The following LILRB4 variants were observed in gnomAD, a reference collection of about 807,000 sequenced individuals.
The protein encoded by LILRB4 is leukocyte immunoglobulin-like receptor subfamily B member 4.
LILRB4 carries 49 observed loss-of-function variants against 55.2 expected under a neutral mutation model. The observed-to-expected ratio is 0.89, with a 90% CI of 0.71 to 1.13. The LOEUF (loss-of-function observed/expected upper bound fraction) is 1.13, where lower values mean the gene tolerates loss of function less well. LILRB4 is among the 50% of genes most tolerant of loss of function. LILRB4 has a pLI of 0.00. For synonymous variants in LILRB4, 229 were observed against 213.8 expected, an observed-to-expected ratio of 1.07 and a Z score of -0.62; for missense variants, 590 against 555.2, an observed-to-expected ratio of 1.06 and a Z score of -0.63.
intron 1 of LILRB4, 119 bp downstream of exon 1, chr19:54,663,186 C>T (rs1192182461): frequency 9.4e-6 from 11 of 1,170,328 alleles, no homozygotes; most frequent in Non-Finnish European, 1.3e-5. Context: ...GTGGCTCACG[C>T]CTGTAATCCC....
rs1294047890 is a variant in LILRB4 at position 54,663,085 on chromosome 19, G to A, written c.34+18G>A. 2.5e-6 allele frequency: 4 copies of A among 1,606,190 alleles called. No homozygotes were observed. Among genetic ancestry groups the A allele is most frequent in the Non-Finnish European group, 3.4e-6 (4 of 1,175,316 alleles). ...CTGCCTCGGTGAGATTTAAAGAGGG[G>A]GAGGGGAGACCCGAGTCTTGGAGGA... On this transcript the variant is annotated intron_variant, in intron 1 of 11. Transcript: ENST00000430952.
rs746741455 is a variant in LILRB4, at chr19:54,663,074, T to C, written c.34+7T>C. On this transcript the variant is annotated splice_region_variant and intron_variant, in intron 1 of 11. Coordinates refer to ENST00000430952, the Ensembl canonical transcript of LILRB4. ...ACGGCTCTGCTCTGCCTCGGTGAGA[T>C]TTAAAGAGGGGGAGGGGAGACCCGA... The C allele has an allele frequency of 5.0e-6, 8 of 1,611,396 alleles. No individual in the cohort carries two copies. In the Admixed American group the frequency reaches 1.3e-4, roughly 27 times the overall value.
Position 54,665,069 on chromosome 19 carries a change from G to A in LILRB4, c.707-61G>A, listed in dbSNP as rs770224619. 3 of 1,593,350 alleles carry A rather than the reference G, an allele frequency of 1.9e-6. No individual in the cohort carries two copies. The highest frequency in any genetic ancestry group is 2.7e-5 in the African/African-American group (2 of 74,510). ...AAGGCTGAAGGAGATGTTGCGGGGA[G>A]AAGCCGAGCTGATGTGGGGAGCAGG... is the stretch of plus-strand genomic sequence containing the variant. On this transcript the variant is annotated intron_variant, in intron 5 of 11. Coordinates refer to ENST00000430952, the Ensembl canonical transcript of LILRB4. This position sits in a 1 kb window ranked among gnomAD's most constrained non-coding sequence, Gnocchi z 5.5.
At position 54,666,626 on chromosome 19, in the gene LILRB4, C is replaced by T; in HGVS notation, c.989-71C>T. On this transcript the variant is annotated intron_variant, in intron 9 of 11. Coordinates refer to ENST00000430952, the Ensembl canonical transcript of LILRB4. This position sits in a 1 kb window ranked among gnomAD's most constrained non-coding sequence, Gnocchi z 4.8. ...TGCAGTGGCACTAATGGGAACAGGG[C>T]AGGGACCAGCAGGAATGAGAGGTCC... The T allele has an allele frequency of 6.5e-7, 1 of 1,535,548 alleles. No individual in the cohort carries two copies. The highest frequency in any genetic ancestry group is 9.0e-7 in the Non-Finnish European group (1 of 1,115,082).
chr19:54,667,041 CT>C (rs1225168879), intron 10 of LILRB4: 1 of 661,120 alleles, frequency 1.5e-6, no homozygotes, highest in Non-Finnish European at 2.8e-6. Flanking sequence ...CTCCAGTCCC[CT>C]GGGCTCCCCT....
chr19:54,666,578 G>A lies in LILRB4; in HGVS notation c.989-119G>A. 2 of 1,421,794 alleles carry A rather than the reference G, an allele frequency of 1.4e-6. No individual in the cohort carries two copies. The highest frequency in any genetic ancestry group is 2.0e-6 in the Non-Finnish European group (2 of 1,019,322). 88.1% of individuals were successfully genotyped at this position (1,421,794 alleles called of 1,614,324 possible). ...TGAACCCACATTGTGGGACCTCGGGGACATCACAGCCCCTCCCTGCGTTGC... is the reference window on the plus strand; with the variant it reads ...TGAACCCACATTGTGGGACCTCGGGAACATCACAGCCCCTCCCTGCGTTGC... On this transcript the variant is annotated intron_variant, in intron 9 of 11. Coordinates refer to ENST00000430952, the Ensembl canonical transcript of LILRB4. This position sits in a 1 kb window ranked among gnomAD's most constrained non-coding sequence, Gnocchi z 4.8.
exon 3 of LILRB4, chr19:54,663,989 C>T: frequency 6.2e-7 from 1 of 1,614,112 alleles, no homozygotes; most frequent in Non-Finnish European, 8.5e-7. Flanking sequence ...ACTATCGCAG[C>T]CCTGTAGGCT....
rs140679892 is a variant in LILRB4, at chr19:54,664,185, G to A, written c.356-1G>A. ...TAACACGGTGCCTCCTTCTCTCCTAGGAGCCTACAGTAAACCCACCCTTTC... is the reference window on the plus strand; with the variant it reads ...TAACACGGTGCCTCCTTCTCTCCTAAGAGCCTACAGTAAACCCACCCTTTC... On this transcript the variant is annotated splice_acceptor_variant, in intron 3 of 11. Transcript: ENST00000430952. LOFTEE classifies it high-confidence loss of function. 5.3e-4 allele frequency: 860 copies of A among 1,611,316 alleles called. No homozygotes were observed. Among genetic ancestry groups the A allele is most frequent in the Non-Finnish European group, 6.6e-4 (775 of 1,178,434 alleles).
In LILRB4 at chr19:54,665,961, T is replaced by TCAGCCCCCCAAGTAGCTGG; in HGVS notation, c.874+30_874+31insCAGCCCCCCAAGTAGCTGG. 1 of 1,613,386 alleles carries TCAGCCCCCCAAGTAGCTGG rather than the reference T, an allele frequency of 6.2e-7. No individual in the cohort carries two copies. The highest frequency in any genetic ancestry group is 8.5e-7 in the Non-Finnish European group (1 of 1,179,688). On this transcript the variant is annotated intron_variant, in intron 7 of 11. Coordinates refer to ENST00000430952, the Ensembl canonical transcript of LILRB4. This position sits in a 1 kb window ranked among gnomAD's most constrained non-coding sequence, Gnocchi z 5.5. ...GTAGGAAATTGGGGGACCCGTGGGC[T>TCAGCCCCCCAAGTAGCTGG]GATGGAGGGTGGGCTCAGGGCACCA... is the stretch of plus-strand genomic sequence containing the variant.
Position 54,666,667 on chromosome 19 carries a change from G to A in LILRB4, c.989-30G>A, listed in dbSNP as rs200277531. On this transcript the variant is annotated intron_variant, in intron 9 of 11. Coordinates refer to ENST00000430952, the Ensembl canonical transcript of LILRB4. This position sits in a 1 kb window ranked among gnomAD's most constrained non-coding sequence, Gnocchi z 4.8. Reference sequence around the variant, plus strand: ...TGAGAGGTCCCAGGGAACCTTCCCAGGAGATGAACCCCTTGCTCTACCCCA... The same window carrying A: ...TGAGAGGTCCCAGGGAACCTTCCCAAGAGATGAACCCCTTGCTCTACCCCA... 5.0e-6 allele frequency: 8 copies of A among 1,611,762 alleles called. No homozygotes were observed. The highest frequency in any genetic ancestry group is 3.3e-5 in the Admixed American group (2 of 59,968).
Position 54,666,446 on chromosome 19 carries a change from A to G in LILRB4, c.988+10A>G, listed in dbSNP as rs773979844. 3 of 1,614,076 alleles carry G rather than the reference A, an allele frequency of 1.9e-6. No homozygotes were observed. Among genetic ancestry groups the G allele is most frequent in the Admixed American group, 3.3e-5 (2 of 60,004 alleles). ...CAGGGAGAAAACTTCTGTGAGTGAG[A>G]GGCAGAGAAGGTGCACCTGGGGTGG... On this transcript the variant is annotated intron_variant, in intron 9 of 11. Transcript: ENST00000430952. The surrounding 1 kb of genome is among the most constrained non-coding windows in gnomAD (Gnocchi z 4.8).
intron 2 of LILRB4, 30 bp from the exon 3 acceptor site, chr19:54,663,724 C>G: frequency 6.2e-7 from 1 of 1,612,458 alleles, no homozygotes; most frequent in Non-Finnish European, 8.5e-7. Context: ...TGAGGAAGGT[C>G]TTGGGATCCA....
chr19:54,664,064 C>T (rs754124445), intron 3 of LILRB4, 26 bp downstream of exon 3: 1 of 1,610,150 alleles, frequency 6.2e-7, no homozygotes. Context: ...GGGGTCCCAG[C>T]CCCAGGCTCT....
chr19:54,668,502 C>G (rs2065394613), downstream of LILRB4: 1 of 157,652 alleles, frequency 6.3e-6, no homozygotes, highest in Admixed American at 6.2e-5. Context: ...CACTACAGAC[C>G]CTACACACAG....
Position 54,665,950 on chromosome 19 carries a change from G to A in LILRB4, c.874+19G>A. 6.2e-7 allele frequency: 1 copy of A among 1,613,794 alleles called. No individual in the cohort carries two copies. The highest frequency in any genetic ancestry group is 8.5e-7 in the Non-Finnish European group (1 of 1,179,910). ...ACATTGGGTAAGTAGGAAATTGGGG[G>A]ACCCGTGGGCTGATGGAGGGTGGGC... On this transcript the variant is annotated intron_variant, in intron 7 of 11. Transcript: ENST00000430952. This position sits in a 1 kb window ranked among gnomAD's most constrained non-coding sequence, Gnocchi z 5.5.
chr19:54,666,431 ACTT>A lies in LILRB4; in HGVS notation c.986_988del (p.Phe329del). On this transcript the variant is annotated inframe_deletion and splice_region_variant, in exon 9 of 12. Transcript: ENST00000430952. The surrounding 1 kb of genome is among the most constrained non-coding windows in gnomAD (Gnocchi z 4.8). ...CCAGCTGCTGACGTCCAGGGAGAAA[ACTT>A]CTGTGAGTGAGAGGCAGAGAAGGTG... 2 of 1,614,102 alleles carry A rather than the reference ACTT, an allele frequency of 1.2e-6. No individual in the cohort carries two copies. The highest frequency in any genetic ancestry group is 1.7e-6 in the Non-Finnish European group (2 of 1,179,974).
In LILRB4 at chr19:54,667,658, C is replaced by G. The variant is rs755663839; in HGVS notation, c.1062C>G (p.Pro354=). The change falls in exon 11 of 12, where the codon CCC becomes CCG. Residue 354 remains proline (P), a synonymous_variant. Transcript: ENST00000430952. Reference sequence around the variant, plus strand: ...AGCAGAGCCCACACGATGAAGACCCCCAGGCAGTGACGTATGCCAAGGTGA... The same window carrying G: ...AGCAGAGCCCACACGATGAAGACCCGCAGGCAGTGACGTATGCCAAGGTGA... The G allele has an allele frequency of 1.4e-3, 2,186 of 1,609,036 alleles. 2 individuals are homozygous for G. Among genetic ancestry groups the G allele is most frequent in the Non-Finnish European group, 1.6e-3 (1,912 of 1,177,416 alleles).
At position 54,665,313 on chromosome 19, in the gene LILRB4, A is replaced by G; in HGVS notation, c.757+133A>G. The G allele has an allele frequency of 1.5e-6, 2 of 1,306,532 alleles. No homozygotes were observed. Among genetic ancestry groups the G allele is most frequent in the Non-Finnish European group, 2.1e-6 (2 of 965,318 alleles). The allele number at this position is 1,306,532 out of a possible 1,614,324, so 80.9% of individuals were successfully genotyped here. A position where few individuals can be genotyped will look rare whatever the true frequency, so the allele number is the denominator to read the frequency against. On this transcript the variant is annotated intron_variant, in intron 6 of 11. Coordinates refer to ENST00000430952, the Ensembl canonical transcript of LILRB4. This position sits in a 1 kb window ranked among gnomAD's most constrained non-coding sequence, Gnocchi z 5.5. The stretch of plus-strand genomic sequence containing the variant: ...CCCCTGCATGGGCCTCAGTTTCTCC[A>G]AGTGTAAAGGAGAGAGGCCTGCGGG...
At position 54,666,387 on chromosome 19, in the gene LILRB4, A is replaced by G. The variant is rs755962642; in HGVS notation, c.951-12A>G. On this transcript the variant is annotated splice_polypyrimidine_tract_variant and intron_variant, in intron 8 of 11. Coordinates refer to ENST00000430952, the Ensembl canonical transcript of LILRB4. The surrounding 1 kb of genome is among the most constrained non-coding windows in gnomAD (Gnocchi z 4.8). The stretch of plus-strand genomic sequence containing the variant: ...CCTCACTGTCCCCTTACACTCCCGT[A>G]TCCTCCCCCAGGTCCAGCCCAGCTG... 17 of 1,613,982 alleles carry G rather than the reference A, an allele frequency of 1.1e-5. No homozygotes were observed. Among genetic ancestry groups the G allele is most frequent in the Non-Finnish European group, 1.4e-5 (16 of 1,179,882 alleles).
Sources: gnomAD v4.1 joint callset for allele counts on GRCh38, gnomAD v4.1.1 for gene constraint, Gnocchi (gnomAD v3.1) non-coding constraint, MANE v1.5 for transcripts, NCBI Gene and HGNC (gene_info 2026-07-23, HGNC 2026-07-21) for gene names.